OXTR: variants seen among roughly 807,000 people sequenced by gnomAD.
OXTR encodes the protein oxytocin receptor.
In OXTR, 19 loss-of-function variants were observed where a neutral mutation model predicts 23.9. The observed-to-expected ratio is 0.80, with a 90% CI of 0.56 to 1.17. The LOEUF is 1.17. OXTR is among the 50% of genes most tolerant of loss of function. OXTR has a pLI of 0.00. For missense variants in OXTR, 500 were observed against 550.7 expected, an observed-to-expected ratio of 0.91 and a Z score of 0.92; for synonymous variants, 278 against 250.5, an observed-to-expected ratio of 1.11 and a Z score of -1.04.
chr3:8,759,930 T>G (rs1207080819), intron 3 of OXTR, among the ~76,000 whole-genome samples: 1 of 152,186 alleles, frequency 6.6e-6, no homozygotes, highest in Admixed American at 6.5e-5. Context: ...AGACCCAGCC[T>G]AGGGTACCTC....
chr3:8,754,090 C>T (rs1708325856), intron 3 of OXTR, among the ~76,000 whole-genome samples: 1 of 152,176 alleles, frequency 6.6e-6, no homozygotes. Context: ...AAGAGCACTG[C>T]TTCAGCATGA....
chr3:8,756,010 T>A (rs1708366068), intron 3 of OXTR, among the ~76,000 whole-genome samples: 2 of 152,114 alleles, frequency 1.3e-5, no homozygotes, highest in Admixed American at 6.5e-5. Flanking sequence ...GGATCTTAAA[T>A]CCAGACAGAG....
intron 3 of OXTR, among the ~76,000 whole-genome samples, chr3:8,758,794 C>T (rs1708429923): frequency 6.6e-6 from 1 of 152,134 alleles, no homozygotes; most frequent in African/African-American, 2.4e-5. Context: ...CTGGGCTGGG[C>T]CTGAGAATAA....
intron 3 of OXTR, among the ~76,000 whole-genome samples, chr3:8,761,242 A>G (rs1389092088): frequency 6.6e-6 from 1 of 152,224 alleles, no homozygotes; most frequent in Non-Finnish European, 1.5e-5. Flanking sequence ...GAGATTATAG[A>G]ACTGGTGGAC....
chr3:8,758,317 T>C (rs906323655), intron 3 of OXTR, among the ~76,000 whole-genome samples: 10 of 152,194 alleles, frequency 6.6e-5, no homozygotes, highest in African/African-American at 2.2e-4. Flanking sequence ...GGCCACCGCC[T>C]CTCCGGGCTG....
intron 3 of OXTR, among the ~76,000 whole-genome samples, chr3:8,758,501 A>C (rs768968796): frequency 3.3e-5 from 5 of 152,222 alleles, no homozygotes; most frequent in African/African-American, 1.2e-4. Context: ...CCTCATTCCT[A>C]CAGGACTGTG....
At chr3:8,763,119 T>G (rs1266765172) in intron 3 of OXTR, among the ~76,000 whole-genome samples, 1 of 152,164 alleles carries the variant, frequency 6.6e-6, no homozygotes, top group African/African-American at 2.4e-5. Flanking sequence ...CCTGCTGTGA[T>G]AGGGCTCATA....
intron 3 of OXTR, among the ~76,000 whole-genome samples, chr3:8,765,314 G>A (rs1708581060): frequency 6.6e-6 from 1 of 152,212 alleles, no homozygotes; most frequent in Admixed American, 6.5e-5. Context: ...CATAGAGGAG[G>A]GAGCTGGGAG....
At chr3:8,757,224 T>A (rs1708391917) in intron 3 of OXTR, among the ~76,000 whole-genome samples, 1 of 151,750 alleles carries the variant, frequency 6.6e-6, no homozygotes. Context: ...AAATTAAAGA[T>A]CGTGTAAAAG....
At chr3:8,742,236 C>G in the OXTR span, among the ~76,000 whole-genome samples, 1 of 152,034 alleles carries the variant, frequency 6.6e-6, no homozygotes, top group Non-Finnish European at 1.5e-5. Context: ...CCAAGCCCAG[C>G]CCAGCCCTCT....
chr3:8,762,312 G>T (rs1708505263), intron 3 of OXTR, among the ~76,000 whole-genome samples: 1 of 152,172 alleles, frequency 6.6e-6, no homozygotes, highest in Non-Finnish European at 1.5e-5. Flanking sequence ...TGAGTTTTTT[G>T]ATTTTGGATT....
chr3:8,758,159 T>C (rs940057183), intron 3 of OXTR, among the ~76,000 whole-genome samples: 1 of 152,016 alleles, frequency 6.6e-6, no homozygotes, highest in African/African-American at 2.4e-5. Context: ...CCATGATTCA[T>C]GGAGGGGTGG....
chr3:8,766,691 C>G (rs1044424610), intron 3 of OXTR, among the ~76,000 whole-genome samples: 11 of 151,960 alleles, frequency 7.2e-5, no homozygotes, highest in African/African-American at 2.7e-4. Context: ...CCTTGGACTC[C>G]TCTGCCCCCC....
At chr3:8,744,362 C>T in the OXTR span, among the ~76,000 whole-genome samples, 11 of 150,964 alleles carry the variant, frequency 7.3e-5, no homozygotes, top group African/African-American at 2.2e-4. Context: ...CACTGCAAGC[C>T]CCGCCTCCCG....
chr3:8,759,316 A>T (rs568786264), intron 3 of OXTR, among the ~76,000 whole-genome samples: 4 of 152,330 alleles, frequency 2.6e-5, no homozygotes, highest in African/African-American at 9.6e-5. Flanking sequence ...ATGCCTTCTC[A>T]GGGTATTTGC....
chr3:8,751,043 G>A lies in OXTR; in HGVS notation c.*1934C>T, dbSNP rs547541891. ...TTTCTCTACATCCTCACCGACACTC[G>A]TTCTTGTCCATCTTTTTATTGTAGC... On this transcript the variant is annotated 3_prime_UTR_variant, in exon 4 of 4. Coordinates refer to ENST00000316793, the MANE Select transcript of OXTR (RefSeq NM_000916.4). The A allele has an allele frequency of 2.0e-5, 3 of 152,136 alleles. No individual in the cohort carries two copies. The highest frequency in any genetic ancestry group is 2.1e-4 in the South Asian group (1 of 4,816). 9.4% of individuals were successfully genotyped at this position (152,136 alleles called of 1,614,324 possible).
intron 3 of OXTR, among the ~76,000 whole-genome samples, chr3:8,766,965 T>C (rs930689593): frequency 3.9e-5 from 6 of 152,126 alleles, no homozygotes; most frequent in Non-Finnish European, 8.8e-5. Context: ...ATACAGCCCA[T>C]ATGCAGCCCA....
Position 8,767,284 on chromosome 3 carries a change from C to T in OXTR, c.904G>A (p.Ala302Thr), listed in dbSNP as rs1164411475. 2.6e-6 allele frequency: 4 copies of T among 1,556,062 alleles called. No homozygotes were observed. Among genetic ancestry groups the T allele is most frequent in the Middle Eastern group, 1.7e-4 (1 of 5,818 alleles). ...FFVQMWSVWD[A>T]NAPKEASAFI... Reference sequence around the variant, plus strand: ...TGGCTACCTTCCTTGGGCGCGTTGGCATCCCAGACGCTCCACATCTGCACG... The same window carrying T: ...TGGCTACCTTCCTTGGGCGCGTTGGTATCCCAGACGCTCCACATCTGCACG... Residue 302 changes from alanine (A) to threonine (T), a missense_variant, in exon 3 of 4, where the codon GCC (alanine) becomes ACC (threonine). Coordinates refer to ENST00000316793, the MANE Select transcript of OXTR (RefSeq NM_000916.4).
intron 3 of OXTR, among the ~76,000 whole-genome samples, chr3:8,765,792 C>T (rs1466649605): frequency 6.6e-6 from 1 of 152,188 alleles, no homozygotes; most frequent in East Asian, 1.9e-4. Flanking sequence ...AAGTGCCTTC[C>T]CCTCTCGGGG....
Sources: gnomAD v4.1 joint callset for allele counts (sites outside exome capture counted in the v4.1 genomes callset) on GRCh38, gnomAD v4.1.1 for gene constraint, MANE v1.5 for transcripts, NCBI Gene and HGNC (gene_info 2026-07-23, HGNC 2026-07-21) for gene names.